The following TTC39B variants were observed in gnomAD, a reference collection of about 807,000 sequenced individuals.
TTC39B encodes the protein tetratricopeptide repeat domain 39B.
Under a neutral mutation model 96.6 loss-of-function variants are expected in TTC39B, and 92 were observed. The observed-to-expected ratio is 0.95, with a 90% confidence interval of 0.80 to 1.13. The LOEUF (loss-of-function observed/expected upper bound fraction) is 1.13, where lower values mean the gene tolerates loss of function less well. Among genes scored for constraint, TTC39B ranks in the 50% most tolerant of loss-of-function variants. TTC39B has a pLI of 0.00. For synonymous variants in TTC39B, 367 were observed against 299.4 expected (o/e 1.23, Z -2.33); for missense variants, 955 against 809.3 (o/e 1.18, Z -2.18).
At chr9:15,247,300 G>A (rs1822322694) in intron 2 of TTC39B, among the ~76,000 whole-genome samples, 1 of 152,186 alleles carries the variant, frequency 6.6e-6, no homozygotes, top group Non-Finnish European at 1.5e-5. Context: ...CTGTAGAGAG[G>A]TAAAGTTCAT....
At chr9:15,214,342 G>GTGTC (rs1820384879) in intron 3 of TTC39B, 93 bp from the exon 4 acceptor site, 3 of 756,928 alleles carry the variant, frequency 4.0e-6, no homozygotes, top group Non-Finnish European at 6.5e-6. Context: ...GTGTGTGTGT[G>GTGTC]TGTGTCTGTG....
At chr9:15,252,414 C>G (rs755076093) in intron 2 of TTC39B, among the ~76,000 whole-genome samples, 1 of 152,026 alleles carries the variant, frequency 6.6e-6, no homozygotes, top group Non-Finnish European at 1.5e-5. Context: ...TTTGGGAGGC[C>G]GAGACGGGCG....
At chr9:15,175,170 C>T in intron 18 of TTC39B, 35 bp from the exon 19 acceptor site, 1 of 1,409,940 alleles carries the variant, frequency 7.1e-7, no homozygotes, top group Non-Finnish European at 1.0e-6. Flanking sequence ...TAAATCTTAA[C>T]AGAACAAGAA....
intron 7 of TTC39B, among the ~76,000 whole-genome samples, chr9:15,203,261 T>C (rs949674864): frequency 2.6e-5 from 4 of 152,130 alleles, no homozygotes; most frequent in Admixed American, 2.6e-4. Flanking sequence ...AGTTTCTTTT[T>C]TGTTTTTGAG....
rs571947974 is a variant in TTC39B at position 15,284,402 on chromosome 9, T to G, written c.241-16454A>C. Among the ~76,000 whole-genome samples the G allele has an allele frequency of 1.8e-4, 27 of 152,362 alleles. No homozygotes were observed. The South Asian group carries it at 2.7e-3, about 15-fold the overall frequency. On this transcript the variant is annotated intron_variant, in intron 1 of 19. Transcript: ENST00000512701. ...CCAGGATGCATTATTAAAATTTTCA[T>G]GTACCACGGTTTCATGTACCAAGAT...
intron 15 of TTC39B, 158 bp downstream of exon 15, chr9:15,186,786 C>G: frequency 1.5e-6 from 1 of 654,194 alleles, no homozygotes; most frequent in Non-Finnish European, 2.7e-6. Flanking sequence ...ACCTCCACCT[C>G]CCAGGCTTAA....
chr9:15,187,713 G>A (rs1217328880), intron 14 of TTC39B, among the ~76,000 whole-genome samples: 2 of 152,236 alleles, frequency 1.3e-5, no homozygotes, highest in African/African-American at 4.8e-5. Context: ...TCCTGCCTTA[G>A]CCTCCCAAAG....
chr9:15,189,729 G>A (rs763294101), exon 12 of TTC39B: 2 of 1,613,902 alleles, frequency 1.2e-6, no homozygotes, highest in Non-Finnish European at 1.7e-6. Context: ...GCGTACATTT[G>A]GAAACTGCTG....
chr9:15,283,760 T>A (rs2131587886), intron 1 of TTC39B, among the ~76,000 whole-genome samples: 1 of 152,294 alleles, frequency 6.6e-6, no homozygotes, highest in South Asian at 2.1e-4. Flanking sequence ...AGTTACGATT[T>A]TACAGTAGAG....
At chr9:15,175,037 T>C in exon 19 of TTC39B, 1 of 1,613,596 alleles carries the variant, frequency 6.2e-7, no homozygotes, top group African/African-American at 1.3e-5. Flanking sequence ...TTCTAGGAAC[T>C]TTATGGCCTT....
chr9:15,252,514 G>A (rs549683071), intron 2 of TTC39B, among the ~76,000 whole-genome samples: 1 of 152,296 alleles, frequency 6.6e-6, no homozygotes, highest in Admixed American at 6.5e-5. Flanking sequence ...CGGCCGTGGT[G>A]GCTTATGCCT....
At chr9:15,275,764 G>C (rs555292214) in intron 1 of TTC39B, among the ~76,000 whole-genome samples, 2 of 152,136 alleles carry the variant, frequency 1.3e-5, no homozygotes, top group Admixed American at 6.5e-5. Context: ...GTCTACAGTT[G>C]AGAGAACAAT....
At chr9:15,235,117 A>G (rs1378638679) in intron 2 of TTC39B, among the ~76,000 whole-genome samples, 1 of 152,148 alleles carries the variant, frequency 6.6e-6, no homozygotes, top group Non-Finnish European at 1.5e-5. Flanking sequence ...AAATTTCAAA[A>G]TACAGTTGAA....
intron 2 of TTC39B, among the ~76,000 whole-genome samples, chr9:15,251,690 C>T (rs866583420): frequency 2.0e-4 from 16 of 79,414 alleles, no homozygotes; most frequent in African/African-American, 6.2e-4. Flanking sequence ...CACACACACA[C>T]ATACATATAC....
At chr9:15,200,035 A>G in intron 7 of TTC39B, 110 bp from the exon 8 acceptor site, 1 of 582,396 alleles carries the variant, frequency 1.7e-6, no homozygotes, top group Non-Finnish European at 2.9e-6. Context: ...AACAAAAAAA[A>G]GTATTTTGAG....
At chr9:15,274,485 C>A (rs1586991936) in intron 1 of TTC39B, among the ~76,000 whole-genome samples, 1 of 152,306 alleles carries the variant, frequency 6.6e-6, no homozygotes, top group African/African-American at 2.4e-5. Flanking sequence ...TCCCCCATAA[C>A]TGGGTTTGCA....
At chr9:15,164,464 G>C (rs763497945) in exon 20 of TTC39B, 2 of 151,918 alleles carry the variant, frequency 1.3e-5, no homozygotes, top group Non-Finnish European at 2.9e-5. Context: ...TTTTGAGGTG[G>C]GCAGACCACA....
intron 17 of TTC39B, among the ~76,000 whole-genome samples, chr9:15,178,842 T>G (rs1247636487): frequency 6.6e-6 from 1 of 152,188 alleles, no homozygotes; most frequent in African/African-American, 2.4e-5. Context: ...CACTTCCATA[T>G]GGAGAAGCAG....
intron 2 of TTC39B, among the ~76,000 whole-genome samples, chr9:15,242,161 C>T (rs1822072215): frequency 6.6e-6 from 1 of 152,168 alleles, no homozygotes; most frequent in Non-Finnish European, 1.5e-5. Flanking sequence ...TCTTCAATAC[C>T]ACTGTGCTGG....
Sources: allele counts gnomAD v4.1 joint callset (sites outside exome capture counted in the v4.1 genomes callset), GRCh38; gene constraint gnomAD v4.1.1; transcripts MANE v1.5; gene names NCBI Gene and HGNC (gene_info 2026-07-23, HGNC 2026-07-21).